Variants in IGSF11 observed in about 807,000 individuals in gnomAD.
The protein encoded by IGSF11 is immunoglobulin superfamily member 11.
Under a neutral mutation model 41.0 loss-of-function variants are expected in IGSF11, and 22 were observed. The ratio of observed to expected loss-of-function variants is 0.54; its 90% CI spans 0.38 to 0.77. The LOEUF (loss-of-function observed/expected upper bound fraction) is 0.77, where lower values mean the gene tolerates loss of function less well. Among genes scored for constraint, IGSF11 ranks in the 30% least tolerant of loss-of-function variants. The probability of loss-of-function intolerance (pLI) is 0.00; values close to 1 mark genes in which losing one functional copy is unlikely to be tolerated. For synonymous variants in IGSF11, 219 were observed against 201.3 expected (o/e 1.09, Z -0.74); for missense variants, 444 against 530.8 (o/e 0.84, Z 1.61).
intron 1 of IGSF11, among the ~76,000 whole-genome samples, chr3:119,033,496 CAT>C (rs1940613285): frequency 2.0e-5 from 3 of 152,154 alleles, no homozygotes; most frequent in African/African-American, 7.2e-5. Context: ...ACGGAGAAGA[CAT>C]ACAAAAAGTT....
intron 1 of IGSF11, among the ~76,000 whole-genome samples, chr3:119,000,063 CTTTTTTT>C (rs1297321950): frequency 6.1e-5 from 6 of 98,722 alleles, no homozygotes; most frequent in Non-Finnish European, 8.2e-5. Context: ...ATTCATTATT[CTTTTTTT>C]TTTTTTTTTT....
chr3:118,959,401 A>C (rs1243155249), intron 1 of IGSF11, among the ~76,000 whole-genome samples: 4 of 152,244 alleles, frequency 2.6e-5, no homozygotes, highest in Non-Finnish European at 5.9e-5. Context: ...GGAGAAGAAT[A>C]AACAGCAAGG....
intron 5 of IGSF11, 91 bp downstream of exon 5, chr3:118,905,505 A>C: frequency 1.5e-6 from 2 of 1,360,334 alleles, no homozygotes; most frequent in South Asian, 2.6e-5. Context: ...GATAACCTTA[A>C]GACAATTCAG....
At chr3:119,080,410 T>A (rs1278074564) in intron 1 of IGSF11, among the ~76,000 whole-genome samples, 3 of 152,210 alleles carry the variant, frequency 2.0e-5, no homozygotes, top group Non-Finnish European at 4.4e-5. Flanking sequence ...AAACCACAGC[T>A]TTGTACCAAT....
intron 1 of IGSF11, among the ~76,000 whole-genome samples, chr3:119,028,461 C>G (rs72970472): frequency 0.026 from 3,994 of 152,232 alleles, 164 homozygotes; most frequent in African/African-American, 0.091. Flanking sequence ...TCTTGGGAGA[C>G]TAGTTCTAAC....
intron 1 of IGSF11, among the ~76,000 whole-genome samples, chr3:119,070,626 G>GT (rs916019556): frequency 5.3e-5 from 8 of 151,958 alleles, no homozygotes; most frequent in South Asian, 2.1e-4. Context: ...TTCCTTCTTT[G>GT]TTTTTTGTTG....
intron 1 of IGSF11, among the ~76,000 whole-genome samples, chr3:119,026,036 C>T (rs911935077): frequency 5.3e-5 from 8 of 151,932 alleles, no homozygotes; most frequent in Non-Finnish European, 2.9e-5. Flanking sequence ...TTTGGGAGGC[C>T]GAGGTGGGCG....
chr3:119,047,063 C>T (rs1941386612), intron 1 of IGSF11, among the ~76,000 whole-genome samples: 1 of 148,018 alleles, frequency 6.8e-6, no homozygotes, highest in Non-Finnish European at 1.5e-5. Flanking sequence ...TAAAGACCAT[C>T]GAGACTAGGA....
rs1300391931 is a variant in IGSF11, at chr3:119,076,543, A to G, written c.49+28601T>C. Among the ~76,000 whole-genome samples the G allele has an allele frequency of 4.6e-5, 7 of 152,198 alleles. No homozygotes were observed. The East Asian group carries it at 1.3e-3, about 29-fold the overall frequency. ...AAAGGGCTAATATCCAGAATCTACA[A>G]AGAACTCAAACAAATTTACAAGAAA... On this transcript the variant is annotated intron_variant, in intron 1 of 6. Transcript: ENST00000354673.
In IGSF11 at chr3:119,004,921, G is replaced by GA. The variant is rs1163599243; in HGVS notation, c.52+29609dup. ...TTTGGAATAGGTGTGGTGTGGTGCT[G>GA]AAAAAAATGTATATTCTGTTGATTT... is the stretch of plus-strand genomic sequence containing the variant. On this transcript the variant is annotated intron_variant, in intron 1 of 6. Transcript: ENST00000393775. 9.9e-5 allele frequency among the ~76,000 whole-genome samples: 15 copies of GA among 152,038 alleles called. No individual in the cohort carries two copies. In the East Asian group the frequency reaches 2.5e-3, roughly 25 times the overall value.
At chr3:118,937,973 G>A (rs1943399396) in intron 1 of IGSF11, among the ~76,000 whole-genome samples, 1 of 151,530 alleles carries the variant, frequency 6.6e-6, no homozygotes, top group Non-Finnish European at 1.5e-5. Context: ...ACACTCTTTA[G>A]ATTATCACTC....
upstream of IGSF11, among the ~76,000 whole-genome samples, chr3:119,106,959 G>A (rs1052923306): frequency 6.6e-6 from 1 of 152,022 alleles, no homozygotes; most frequent in South Asian, 2.1e-4. Context: ...GGTGTATATG[G>A]TTCACATTTT....
intron 1 of IGSF11, among the ~76,000 whole-genome samples, chr3:119,103,239 C>T (rs1224885235): frequency 4.6e-5 from 7 of 152,258 alleles, no homozygotes; most frequent in Non-Finnish European, 1.0e-4. Flanking sequence ...CCTCTTGATC[C>T]GCCCACCTCG....
chr3:119,031,350 A>T (rs1940381973), intron 1 of IGSF11, among the ~76,000 whole-genome samples: 1 of 152,248 alleles, frequency 6.6e-6, no homozygotes, highest in South Asian at 2.1e-4. Context: ...CTCCCAACTC[A>T]GTAAGTACTG....
chr3:118,976,748 T>C (rs981921209), intron 1 of IGSF11, among the ~76,000 whole-genome samples: 3 of 152,240 alleles, frequency 2.0e-5, no homozygotes, highest in Admixed American at 2.0e-4. Context: ...ATGTATCAAA[T>C]GTATCAAAGT....
chr3:118,917,115 G>A (rs1278640654), intron 4 of IGSF11, among the ~76,000 whole-genome samples: 3 of 151,722 alleles, frequency 2.0e-5, no homozygotes, highest in Non-Finnish European at 4.4e-5. Context: ...GCAGTGTGTA[G>A]AGGGAAATTT....
chr3:119,038,689 T>C (rs545805189), upstream of IGSF11, among the ~76,000 whole-genome samples: 8 of 152,340 alleles, frequency 5.3e-5, no homozygotes, highest in African/African-American at 1.9e-4. Flanking sequence ...TTTTCATTTT[T>C]ATAAGGAATA....
chr3:119,018,624 C>A (rs1038431617), intron 1 of IGSF11, among the ~76,000 whole-genome samples: 1 of 152,208 alleles, frequency 6.6e-6, no homozygotes, highest in African/African-American at 2.4e-5. Context: ...ACTGAAACAT[C>A]TATTTCTTCA....
At chr3:118,976,144 C>T (rs769685456) in intron 1 of IGSF11, among the ~76,000 whole-genome samples, 4 of 152,118 alleles carry the variant, frequency 2.6e-5, no homozygotes, top group Non-Finnish European at 4.4e-5. Flanking sequence ...AAGCTGTATG[C>T]ATTTCATGGT....
Sources: allele counts gnomAD v4.1 joint callset (sites outside exome capture counted in the v4.1 genomes callset), GRCh38; gene constraint gnomAD v4.1.1; transcripts MANE v1.5; gene names NCBI Gene and HGNC (gene_info 2026-07-23, HGNC 2026-07-21).